Variants in TBX1 observed in about 807,000 individuals in gnomAD.
The protein encoded by TBX1 is T-box transcription factor TBX1.
In TBX1, 16 loss-of-function variants were observed where a neutral mutation model predicts 40.8. The ratio of observed to expected loss-of-function variants is 0.39; its 90% CI spans 0.27 to 0.60. The LOEUF is 0.60. Ranked by LOEUF, TBX1 falls within the 20% of genes least tolerant of loss-of-function variation. The pLI is 0.51. For synonymous variants in TBX1, 403 were observed against 336.8 expected (o/e 1.20, Z -2.15); for missense variants, 755 against 728.5 (o/e 1.04, Z -0.42).
downstream of TBX1, chr22:19,782,951 C>G: frequency 1.3e-6 from 2 of 1,572,384 alleles, no homozygotes; most frequent in Non-Finnish European, 1.8e-6. Context: ...ACCTGGCTTG[C>G]TGGACGTGCT....
chr22:19,769,679 G>A (rs41299930), downstream of TBX1, among the ~76,000 whole-genome samples: 1,608 of 152,356 alleles, frequency 0.011, 33 homozygotes, highest in African/African-American at 0.037. Context: ...CCTAAGGCCT[G>A]GCTTCCAGCA....
chr22:19,757,202 C>G (rs930908374), upstream of TBX1, among the ~76,000 whole-genome samples: 2 of 152,160 alleles, frequency 1.3e-5, no homozygotes, highest in Non-Finnish European at 1.5e-5. Context: ...CACCTCTTCC[C>G]GTCGCCCTTC....
chr22:19,783,111 C>T (rs372123770), downstream of TBX1: 58 of 764,786 alleles, frequency 7.6e-5, no homozygotes, highest in South Asian at 5.5e-4. Context: ...GTGATGGAAG[C>T]GAATCCTCCA....
downstream of TBX1, among the ~76,000 whole-genome samples, chr22:19,782,439 G>C (rs1309402311): frequency 6.6e-6 from 1 of 152,062 alleles, no homozygotes; most frequent in East Asian, 1.9e-4. Context: ...AAAACCTCTT[G>C]TTATGTTGAG....
intron 1 of TBX1, 137 bp from the exon 2 acceptor site, chr22:19,763,104 G>A: frequency 1.4e-6 from 1 of 722,086 alleles, no homozygotes; most frequent in Non-Finnish European, 2.5e-6. Context: ...AGGAAAGATG[G>A]AGCCCAAGGG....
chr22:19,758,805 C>T (rs377295286), upstream of TBX1, among the ~76,000 whole-genome samples: 10 of 152,314 alleles, frequency 6.6e-5, no homozygotes, highest in East Asian at 1.7e-3. Flanking sequence ...TCGCGGGCTG[C>T]GCAGCCTGGG....
chr22:19,765,444 A>AC (rs1279999301), intron 4 of TBX1, among the ~76,000 whole-genome samples: 3 of 151,806 alleles, frequency 2.0e-5, no homozygotes, highest in South Asian at 2.1e-4. Flanking sequence ...TCTGTTCCCC[A>AC]CCCCCCACCC....
intron 1 of TBX1, among the ~76,000 whole-genome samples, chr22:19,762,557 G>A (rs1207547365): frequency 6.6e-6 from 1 of 152,246 alleles, no homozygotes; most frequent in Non-Finnish European, 1.5e-5. Flanking sequence ...AAGCGGGGGA[G>A]ATTTGAGGAA....
At chr22:19,783,272 G>A (rs1331531170), downstream of TBX1, 2 of 503,478 alleles carry the variant, frequency 4.0e-6, no homozygotes, top group African/African-American at 3.9e-5. Context: ...GCACCAGGAT[G>A]AGGCCAAATG....
At chr22:19,761,655 A>G (rs80179718) in intron 1 of TBX1, among the ~76,000 whole-genome samples, 2,160 of 152,222 alleles carry the variant, frequency 0.014, 33 homozygotes, top group South Asian at 0.043. Flanking sequence ...AGGGGGCCTC[A>G]CCGCCCGGCC....
At chr22:19,768,270 G>C (rs1601297223), downstream of TBX1, among the ~76,000 whole-genome samples, 1 of 152,234 alleles carries the variant, frequency 6.6e-6, no homozygotes, top group African/African-American at 2.4e-5. Context: ...GGTAGCGGCA[G>C]CCTGAGTGCC....
exon 9 of TBX1, chr22:19,779,479 C>T: frequency 6.3e-7 from 1 of 1,599,662 alleles, no homozygotes. Context: ...TTGAAATTTC[C>T]AAAATTAAAA....
intron 8 of TBX1, among the ~76,000 whole-genome samples, chr22:19,775,331 G>A (rs1368698589): frequency 6.6e-6 from 1 of 152,134 alleles, no homozygotes; most frequent in African/African-American, 2.4e-5. Flanking sequence ...CTGACCTCAG[G>A]TGATCCGCCC....
chr22:19,767,777 C>G (rs1429230198), downstream of TBX1, among the ~76,000 whole-genome samples: 1 of 152,238 alleles, frequency 6.6e-6, no homozygotes, highest in Non-Finnish European at 1.5e-5. Flanking sequence ...ACAGACACTG[C>G]CGGTCGGTGC....
At chr22:19,779,292 T>C in exon 9 of TBX1, 1 of 1,614,218 alleles carries the variant, frequency 6.2e-7, no homozygotes, top group Non-Finnish European at 8.5e-7. Flanking sequence ...GAAGTGGAGC[T>C]TCTGAGGGAT....
At chr22:19,756,749 A>C (rs1462918045), upstream of TBX1, 1 of 152,268 alleles carries the variant, frequency 6.6e-6, no homozygotes, top group African/African-American at 2.4e-5. Context: ...GGGCCAGGTG[A>C]GGGAGGGAGG....
At chr22:19,777,965 G>A (rs1339333945) in intron 8 of TBX1, among the ~76,000 whole-genome samples, 1 of 151,990 alleles carries the variant, frequency 6.6e-6, no homozygotes, top group Non-Finnish European at 1.5e-5. Context: ...TTGCCATGTT[G>A]CTCAGGCTGG....
chr22:19,771,485 G>A (rs933808957), downstream of TBX1, among the ~76,000 whole-genome samples: 2 of 152,206 alleles, frequency 1.3e-5, no homozygotes, highest in Non-Finnish European at 2.9e-5. Context: ...CAGCCCATGT[G>A]GGGGAGAGGC....
chr22:19,765,643 AG>A, intron 4 of TBX1, 114 bp from the exon 5 acceptor site: 1 of 1,159,696 alleles, frequency 8.6e-7, no homozygotes, highest in East Asian at 2.6e-5. Context: ...GGTTCTTGTC[AG>A]GGCAGCAGAA....
Sources: gnomAD v4.1 joint callset for allele counts (sites outside exome capture counted in the v4.1 genomes callset) on GRCh38, gnomAD v4.1.1 for gene constraint, MANE v1.5 for transcripts, NCBI Gene and HGNC (gene_info 2026-07-23, HGNC 2026-07-21) for gene names.